SCN8A: variants seen among roughly 807,000 people sequenced by gnomAD.
SCN8A encodes sodium channel protein type 8 subunit alpha.
Under a neutral mutation model 184.1 loss-of-function variants are expected in SCN8A, and 30 were observed. The ratio of observed to expected loss-of-function variants is 0.16; its 90% CI spans 0.12 to 0.22. The LOEUF (loss-of-function observed/expected upper bound fraction) is 0.22, where lower values mean the gene tolerates loss of function less well. SCN8A is among the 10% of genes least tolerant of loss of function. The pLI is 1.00. For missense variants in SCN8A, 1,057 were observed against 2,498.9 expected (o/e 0.42, Z 12.30); for synonymous variants, 852 against 907.0 (o/e 0.94, Z 1.09).
intron 10 of SCN8A, 92 bp downstream of exon 10, chr12:51,705,715 C>T: frequency 8.6e-7 from 1 of 1,167,476 alleles, no homozygotes; most frequent in Non-Finnish European, 1.2e-6. Context: ...CTTTTCTAGG[C>T]ATATTTTCAA....
intron 20 of SCN8A, among the ~76,000 whole-genome samples, chr12:51,776,609 G>C (rs1175321797): frequency 6.6e-6 from 1 of 152,220 alleles, no homozygotes. Context: ...GTGCTAGGTG[G>C]GGGGACATTC....
chr12:51,602,465 G>A (rs978402370), intron 1 of SCN8A, among the ~76,000 whole-genome samples: 20 of 152,280 alleles, frequency 1.3e-4, no homozygotes, highest in African/African-American at 4.8e-4. Context: ...GTAGTGGAGA[G>A]CTACTGGTTA....
Position 51,769,176 on chromosome 12 carries a change from C to T in SCN8A, c.3213C>T (p.Gly1071=), listed in dbSNP as rs1942884757. ...GCAATGGCACAACCAGCGGCATTGG[C>T]AGCAGCGTGGAGAAGTACATCATTG... The part of the protein sequence containing the change: ...KNGNGTTSGI[G]SSVEKYIIDE... Residue 1071 remains glycine, a synonymous_variant, in exon 17 of 27, where the codon GGC becomes GGT. Coordinates refer to ENST00000627620, the MANE Select transcript of SCN8A (RefSeq NM_001330260.2). 6.2e-7 allele frequency: 1 copy of T among 1,613,636 alleles called. No individual in the cohort carries two copies. The highest frequency in any genetic ancestry group is 8.5e-7 in the Non-Finnish European group (1 of 1,179,742).
At chr12:51,743,771 C>T (rs1403163889) in intron 12 of SCN8A, among the ~76,000 whole-genome samples, 1 of 152,206 alleles carries the variant, frequency 6.6e-6, no homozygotes, top group Non-Finnish European at 1.5e-5. Context: ...GCAGCAAGTT[C>T]CCCCAGGTCC....
At chr12:51,609,719 G>A (rs979559645) in intron 1 of SCN8A, among the ~76,000 whole-genome samples, 11 of 150,224 alleles carry the variant, frequency 7.3e-5, no homozygotes, top group East Asian at 4.0e-4. Flanking sequence ...GCAAAACCCC[G>A]CCTCTACTAA....
intron 9 of SCN8A, 132 bp from the exon 10 acceptor site, chr12:51,705,285 G>A (rs1429000392): frequency 1.4e-6 from 1 of 710,038 alleles, no homozygotes; most frequent in African/African-American, 1.8e-5. Flanking sequence ...ACAATAGGAA[G>A]GAGTACTGCA....
chr12:51,669,208 T>C (rs1050115175), intron 2 of SCN8A, among the ~76,000 whole-genome samples: 1 of 152,216 alleles, frequency 6.6e-6, no homozygotes, highest in East Asian at 1.9e-4. Flanking sequence ...CCATCCCAAA[T>C]ATTGTTGACC....
At chr12:51,790,208 G>A (rs1938206397) in intron 24 of SCN8A, among the ~76,000 whole-genome samples, 190 bp from the exon 25 acceptor site, 1 of 152,156 alleles carries the variant, frequency 6.6e-6, no homozygotes, top group Non-Finnish European at 1.5e-5. Context: ...GAAATCCTGA[G>A]CTAAAAACAA....
intron 1 of SCN8A, among the ~76,000 whole-genome samples, chr12:51,658,190 G>A (rs1940859720): frequency 6.6e-6 from 1 of 152,068 alleles, no homozygotes; most frequent in Non-Finnish European, 1.5e-5. Flanking sequence ...TATTGAACCT[G>A]TAGATGGCTT....
chr12:51,801,033 C>T (rs1343923530), intron 26 of SCN8A, among the ~76,000 whole-genome samples: 2 of 152,274 alleles, frequency 1.3e-5, no homozygotes, highest in Non-Finnish European at 1.5e-5. Context: ...AGCCTTTTGT[C>T]CACTTGACCT....
rs575141489 is a variant in SCN8A, at chr12:51,777,543, G to A, written c.3820-3106G>A. Among the ~76,000 whole-genome samples the A allele has an allele frequency of 2.0e-3, 305 of 152,170 alleles. 1 individual carries two copies. The highest frequency in any genetic ancestry group is 7.0e-3 in the African/African-American group (289 of 41,510). On this transcript the variant is annotated intron_variant, in intron 20 of 26. Coordinates refer to ENST00000627620, the MANE Select transcript of SCN8A (RefSeq NM_001330260.2). ...CAATGTTAGGATTATCTCCAGGAGG[G>A]GCTTAACAGAGACTCAGAGGATTAT...
rs76267421 is a variant in SCN8A at position 51,810,918 on chromosome 12, C to T, written c.*3489C>T. On this transcript the variant is annotated 3_prime_UTR_variant, in exon 27 of 27. Transcript: ENST00000627620. ...AAACTCCCAGTCAAAGCCCCTAAAG[C>T]GACAGTGCCCAGAGTTCTTTTATTT... The T allele has an allele frequency of 6.6e-6, 1 of 152,174 alleles. No homozygotes were observed. The highest frequency in any genetic ancestry group is 1.9e-4 in the East Asian group (1 of 5,204). The allele number at this position is 152,174 out of a possible 1,614,324, so 9.4% of individuals were successfully genotyped here.
intron 12 of SCN8A, among the ~76,000 whole-genome samples, chr12:51,732,356 T>C (rs1592133081): frequency 6.6e-6 from 1 of 152,164 alleles, no homozygotes; most frequent in East Asian, 1.9e-4. Flanking sequence ...TTCTTGGCGC[T>C]TTTGCTGACA....
chr12:51,802,567 C>T (rs1054866898), intron 26 of SCN8A, among the ~76,000 whole-genome samples: 1 of 152,178 alleles, frequency 6.6e-6, no homozygotes, highest in Non-Finnish European at 1.5e-5. Flanking sequence ...AGCCCTTTGT[C>T]TACAGGAGAT....
chr12:51,639,184 G>T (rs189496365), intron 1 of SCN8A, among the ~76,000 whole-genome samples: 6 of 151,984 alleles, frequency 3.9e-5, no homozygotes, highest in African/African-American at 7.3e-5. Context: ...TCACCTTGTT[G>T]CCCAGGCTGG....
intron 19 of SCN8A, among the ~76,000 whole-genome samples, chr12:51,772,056 T>G (rs1323303512): frequency 2.0e-5 from 3 of 152,212 alleles, no homozygotes; most frequent in African/African-American, 7.2e-5. Context: ...AAAGGATATT[T>G]GGTTCAGTAC....
intron 11 of SCN8A, chr12:51,713,604 C>T: frequency 1.5e-6 from 1 of 651,198 alleles, no homozygotes; most frequent in Non-Finnish European, 2.7e-6. Flanking sequence ...GTTTTACCTC[C>T]ATTTTGAGCC....
At chr12:51,623,029 C>T (rs1939997061) in intron 1 of SCN8A, among the ~76,000 whole-genome samples, 2 of 152,110 alleles carry the variant, frequency 1.3e-5, no homozygotes, top group Non-Finnish European at 2.9e-5. Context: ...ACTTCTGTGT[C>T]ACTTTGACAT....
At chr12:51,756,732 C>T (rs1246181278) in intron 14 of SCN8A, among the ~76,000 whole-genome samples, 1 of 152,220 alleles carries the variant, frequency 6.6e-6, no homozygotes, top group African/African-American at 2.4e-5. Context: ...GTCTGACTCT[C>T]CTTGCTGGGC....
Sources: allele counts gnomAD v4.1 joint callset (sites outside exome capture counted in the v4.1 genomes callset), GRCh38; gene constraint gnomAD v4.1.1; transcripts MANE v1.5; gene names NCBI Gene and HGNC (gene_info 2026-07-23, HGNC 2026-07-21).